Variants in RBFOX1 observed in about 807,000 individuals in gnomAD.
RBFOX1 encodes RNA binding protein fox-1 homolog 1.
In RBFOX1, 8 loss-of-function variants were observed where a neutral mutation model predicts 57.7. That is an observed-to-expected ratio of 0.14 (90% confidence interval 0.08 to 0.25). The LOEUF is 0.25. Ranked by LOEUF, RBFOX1 falls within the 10% of genes least tolerant of loss-of-function variation. The pLI, the probability that RBFOX1 is intolerant of heterozygous loss-of-function variation, is 1.00. For missense variants in RBFOX1, 611 were observed against 548.5 expected, an observed-to-expected ratio of 1.11 and a Z score of -1.14; for synonymous variants, 326 against 222.4, an observed-to-expected ratio of 1.47 and a Z score of -4.15.
At chr16:5,934,652 G>A (rs1468137168) in intron 4 of RBFOX1, among the ~76,000 whole-genome samples, 2 of 152,158 alleles carry the variant, frequency 1.3e-5, no homozygotes, top group Non-Finnish European at 2.9e-5. Context: ...TGGATATGCT[G>A]ATTACTCTGA....
chr16:6,294,143 CT>C (rs143368683), intron 1 of RBFOX1, among the ~76,000 whole-genome samples: 3,136 of 152,194 alleles, frequency 0.021, 120 homozygotes, highest in African/African-American at 0.072. Flanking sequence ...GCTGGTGCCA[CT>C]GCACTCCAGC....
intron 2 of RBFOX1, among the ~76,000 whole-genome samples, chr16:6,395,532 C>G (rs937757853): frequency 2.3e-4 from 35 of 150,864 alleles, no homozygotes; most frequent in Admixed American, 2.1e-3. Context: ...TTTTTTTTTA[C>G]TTTTATAATT....
chr16:6,604,473 T>C (rs2154014171), intron 2 of RBFOX1, among the ~76,000 whole-genome samples: 1 of 152,278 alleles, frequency 6.6e-6, no homozygotes, highest in South Asian at 2.1e-4. Flanking sequence ...AGAAAGTATC[T>C]GTAATTTTTA....
chr16:5,934,222 C>G (rs1234593860), intron 4 of RBFOX1, among the ~76,000 whole-genome samples: 2 of 152,236 alleles, frequency 1.3e-5, no homozygotes, highest in African/African-American at 4.8e-5. Flanking sequence ...GAGAAAGGCC[C>G]AGATTGGTGC....
intron 5 of RBFOX1, among the ~76,000 whole-genome samples, chr16:7,571,466 G>A (rs2092769489): frequency 6.6e-6 from 1 of 152,198 alleles, no homozygotes; most frequent in South Asian, 2.1e-4. Flanking sequence ...CATTGAATTA[G>A]GAACGATTAT....
intron 3 of RBFOX1, among the ~76,000 whole-genome samples, chr16:5,697,349 T>G (rs1420835572): frequency 6.6e-6 from 1 of 151,296 alleles, no homozygotes; most frequent in Admixed American, 6.6e-5. Flanking sequence ...TATAGATACA[T>G]AAAACTCATA....
intron 3 of RBFOX1, among the ~76,000 whole-genome samples, chr16:5,764,462 T>C (rs1202430244): frequency 1.3e-5 from 2 of 152,210 alleles, no homozygotes; most frequent in Non-Finnish European, 2.9e-5. Flanking sequence ...TTATTTATAC[T>C]TTACCCCTTT....
chr16:5,874,465 C>G (rs925531752), intron 4 of RBFOX1, among the ~76,000 whole-genome samples: 4 of 152,032 alleles, frequency 2.6e-5, no homozygotes, highest in Non-Finnish European at 2.9e-5. Flanking sequence ...TGTCTAGCAC[C>G]AGAGAGCTAT....
intron 1 of RBFOX1, among the ~76,000 whole-genome samples, chr16:6,287,899 A>G (rs1389298846): frequency 6.6e-6 from 1 of 152,190 alleles, no homozygotes; most frequent in Admixed American, 6.6e-5. Flanking sequence ...TTTTCAGTCT[A>G]GCTTACCCAT....
At chr16:6,345,315 G>C (rs956357281) in intron 2 of RBFOX1, among the ~76,000 whole-genome samples, 57 of 152,314 alleles carry the variant, frequency 3.7e-4, no homozygotes, top group African/African-American at 1.2e-3. Context: ...TCCCCCTATA[G>C]GCAGTGTGCC....
At chr16:6,786,946 C>A (rs754140915) in intron 3 of RBFOX1, among the ~76,000 whole-genome samples, 1 of 151,952 alleles carries the variant, frequency 6.6e-6, no homozygotes, top group Non-Finnish European at 1.5e-5. Flanking sequence ...GGGACCTTAT[C>A]TGAAAGTGTC....
chr16:5,820,902 A>C (rs150827684), intron 3 of RBFOX1, among the ~76,000 whole-genome samples: 8 of 152,182 alleles, frequency 5.3e-5, no homozygotes, highest in Non-Finnish European at 8.8e-5. Context: ...GGTTTTCCCA[A>C]CCTCAGGCTC....
intron 3 of RBFOX1, among the ~76,000 whole-genome samples, chr16:5,804,964 C>T (rs2151761800): frequency 6.6e-6 from 1 of 152,260 alleles, no homozygotes; most frequent in South Asian, 2.1e-4. Flanking sequence ...CCCACTAAAA[C>T]TGCAGTATAT....
Position 6,279,700 on chromosome 16 carries a change from G to A in RBFOX1, c.-126-37295G>A, listed in dbSNP as rs560058101. 2.6e-5 allele frequency among the ~76,000 whole-genome samples: 4 copies of A among 152,270 alleles called. No homozygotes were observed. The South Asian group carries it at 8.3e-4, about 32-fold the overall frequency. On this transcript the variant is annotated intron_variant, in intron 1 of 15. Transcript: ENST00000550418. ...CCATGCTGTATATTTGATCTTTACT[G>A]AGGCTGTTGATGTCAGGGCTTGGTT...
At chr16:7,316,588 G>A (rs2096444305) in intron 4 of RBFOX1, among the ~76,000 whole-genome samples, 1 of 152,282 alleles carries the variant, frequency 6.6e-6, no homozygotes, top group East Asian at 1.9e-4. Flanking sequence ...CAAGTCTGTG[G>A]GAGAGAGACA....
chr16:6,343,108 G>A (rs557857943), intron 2 of RBFOX1, among the ~76,000 whole-genome samples: 1 of 152,238 alleles, frequency 6.6e-6, no homozygotes, highest in South Asian at 2.1e-4. Context: ...GGAAAAATGA[G>A]TCTCTTGGTC....
chr16:5,853,242 T>A (rs529849733), intron 3 of RBFOX1, among the ~76,000 whole-genome samples: 1 of 152,008 alleles, frequency 6.6e-6, no homozygotes, highest in African/African-American at 2.4e-5. Context: ...TATCCTGGAG[T>A]TGAACAGCTC....
intron 4 of RBFOX1, among the ~76,000 whole-genome samples, chr16:7,353,668 C>G (rs73565844): frequency 0.036 from 5,529 of 152,076 alleles, 339 homozygotes; most frequent in African/African-American, 0.13. Flanking sequence ...GTGGATGAAC[C>G]TTGAGAATGT....
At chr16:5,444,721 C>G (rs1048287775) in intron 1 of RBFOX1, among the ~76,000 whole-genome samples, 1 of 152,136 alleles carries the variant, frequency 6.6e-6, no homozygotes, top group African/African-American at 2.4e-5. Flanking sequence ...AGGAAGAGAA[C>G]AGTCACCATG....
Sources: allele counts gnomAD v4.1 joint callset (sites outside exome capture counted in the v4.1 genomes callset), GRCh38; gene constraint gnomAD v4.1.1; transcripts MANE v1.5; gene names NCBI Gene and HGNC (gene_info 2026-07-23, HGNC 2026-07-21).